KRT27: variants seen among roughly 807,000 people sequenced by gnomAD.
The protein encoded by KRT27 is keratin, type I cytoskeletal 27.
KRT27 carries 30 observed loss-of-function variants against 45.3 expected under a neutral mutation model. That is an observed-to-expected ratio of 0.66 (90% confidence interval 0.50 to 0.90). The LOEUF is 0.90. Among genes scored for constraint, KRT27 ranks in the 40% least tolerant of loss-of-function variants. The pLI is 0.00. For synonymous variants in KRT27, 204 were observed against 223.9 expected, an observed-to-expected ratio of 0.91 and a Z score of 0.79; for missense variants, 610 against 564.3, an observed-to-expected ratio of 1.08 and a Z score of -0.82.
chr17:40,782,403 C>T lies in KRT27; in HGVS notation c.91G>A (p.Gly31Arg). Residue 31 changes from glycine to arginine, a missense_variant, in exon 1 of 8, where the codon GGG becomes AGG. Transcript: ENST00000301656. ...VRLSSGGAGF[G>R]AGNTCGVPGI... The stretch of plus-strand genomic sequence containing the variant: ...GGCACACCGCATGTGTTTCCAGCCC[C>T]AAAGCCTGCTCCCCCACTAGAGAGC... 1 of 1,613,808 alleles carries T rather than the reference C, an allele frequency of 6.2e-7. No individual in the cohort carries two copies. The highest frequency in any genetic ancestry group is 8.5e-7 in the Non-Finnish European group (1 of 1,179,878).
chr17:40,777,772 G>A (rs746495708), intron 5 of KRT27, 40 bp from the exon 6 acceptor site: 16 of 1,595,074 alleles, frequency 1.0e-5, no homozygotes, highest in East Asian at 2.2e-5. Flanking sequence ...AAAAGGTCAC[G>A]GTGTTTTAGA....
intron 3 of KRT27, 66 bp downstream of exon 3, chr17:40,780,234 A>G (rs2038298707): frequency 3.5e-6 from 5 of 1,431,716 alleles, no homozygotes; most frequent in Non-Finnish European, 4.7e-6. Context: ...TATATTTATC[A>G]TCTGAAATTA....
chr17:40,780,407 C>T lies in KRT27; in HGVS notation c.577G>A (p.Gly193Ser), dbSNP rs17558560. ...AGCTCATCCAGGACTCTTCGCAAAC[C>T]ATTGATGTCCGCCTCCACGCTCTGG... is the stretch of plus-strand genomic sequence containing the variant. ...LHQSVEADIN[G>S]LRRVLDELTL... The change falls in exon 3 of 8, where the codon GGT becomes AGT. Residue 193 changes from glycine (G) to serine (S), a missense_variant. Coordinates refer to ENST00000301656, the MANE Select transcript of KRT27 (RefSeq NM_181537.4). 0.41 allele frequency: 664,217 copies of T among 1,612,414 alleles called. 141,511 individuals are homozygous for T. The highest frequency in any genetic ancestry group is 0.64 in the East Asian group (28,464 of 44,818).
Position 40,779,598 on chromosome 17 carries a change from G to A in KRT27, c.876C>T (p.Asp292=), listed in dbSNP as rs116084493. 56 of 1,614,220 alleles carry A rather than the reference G, an allele frequency of 3.5e-5. No homozygotes were observed. The East Asian group carries it at 1.1e-3, about 33-fold the overall frequency. Residue 292 remains aspartate (D), a synonymous_variant, in exon 5 of 8, where the codon GAC becomes GAT. Coordinates refer to ENST00000301656, the MANE Select transcript of KRT27 (RefSeq NM_181537.4). ...KSASLQQQIS[D]DAGATTSARN... ...GGGCTGAGGTGGTGGCGCCAGCGTC[G>A]TCAGAGATCTGCTGCTGCAGCGAGG...
At position 40,779,526 on chromosome 17, in the gene KRT27, A is replaced by C. The variant is rs1280175400; in HGVS notation, c.948T>G (p.Ile316Met). Residue 316 changes from isoleucine (I) to methionine (M), a missense_variant, in exon 5 of 8, where the codon ATT becomes ATG. Physicochemically the swap from Ile to Met is conservative, Grantham distance 10. Transcript: ENST00000301656. ...EMKRTLQTLEIELQSLLATKH... is the reference protein window; with the variant it reads ...EMKRTLQTLEMELQSLLATKH... ...CCGTTGCTAAGAGGGACTGAAGTTCAATCTCAAGGGTTTGAAGAGTGCGTT... is the reference window on the plus strand; with the variant it reads ...CCGTTGCTAAGAGGGACTGAAGTTCCATCTCAAGGGTTTGAAGAGTGCGTT... The C allele has an allele frequency of 2.5e-6, 4 of 1,613,788 alleles. No individual in the cohort carries two copies. The highest frequency in any genetic ancestry group is 1.1e-5 in the South Asian group (1 of 91,074).
At position 40,776,927 on chromosome 17, in the gene KRT27, G is replaced by T; in HGVS notation, c.*72C>A. 23 of 1,346,338 alleles carry T rather than the reference G, an allele frequency of 1.7e-5. No homozygotes were observed. The highest frequency in any genetic ancestry group is 2.4e-5 in the Non-Finnish European group (23 of 973,018). 83.4% of individuals were successfully genotyped at this position (1,346,338 alleles called of 1,614,324 possible). A position where few individuals can be genotyped will look rare whatever the true frequency, so the allele number is the denominator to read the frequency against. Reference sequence around the variant, plus strand: ...TGGAAGAAAAGCAGAAAAATAAGGGGACCCTTATTTAGGAAACTAGCTTCA... The same window carrying T: ...TGGAAGAAAAGCAGAAAAATAAGGGTACCCTTATTTAGGAAACTAGCTTCA... On this transcript the variant is annotated 3_prime_UTR_variant, in exon 8 of 8. Transcript: ENST00000301656.
In KRT27 at chr17:40,781,200, T is replaced by C; in HGVS notation, c.515A>G (p.Asp172Gly). Residue 172 changes from aspartate to glycine, a missense_variant, in exon 2 of 8, where the codon GAC becomes GGC. Coordinates refer to ENST00000301656, the MANE Select transcript of KRT27 (RefSeq NM_181537.4). ...QNDNARLTADDFRLKFENELA... is the reference protein window; with the variant it reads ...QNDNARLTADGFRLKFENELA... ...CAGCTCTACTTACTTTAGTCTGAAG[T>C]CATCAGCTGTTAGTCTTGCATTATC... The C allele has an allele frequency of 6.2e-7, 1 of 1,609,420 alleles. No homozygotes were observed. The highest frequency in any genetic ancestry group is 1.7e-4 in the Middle Eastern group (1 of 5,922).
chr17:40,779,307 T>C (rs944658701), intron 5 of KRT27, among the ~76,000 whole-genome samples, 195 bp downstream of exon 5: 1 of 152,242 alleles, frequency 6.6e-6, no homozygotes, highest in Non-Finnish European at 1.5e-5. Flanking sequence ...ATTTCTAATA[T>C]TTCATAATTA....
Position 40,780,614 on chromosome 17 carries a change from A to C in KRT27, c.528-158T>G, listed in dbSNP as rs142487462. Among the ~76,000 whole-genome samples, 614 of 152,088 alleles carry C rather than the reference A, an allele frequency of 4.0e-3. 5 individuals are homozygous for C. Among genetic ancestry groups the C allele is most frequent in the African/African-American group, 0.014 (575 of 41,486 alleles). On this transcript the variant is annotated intron_variant, in intron 2 of 7. Coordinates refer to ENST00000301656, the MANE Select transcript of KRT27 (RefSeq NM_181537.4). ...GGTGGCTCACGCCTGTAATCCCAGCACTTTGGGAGGCAGAGGCGGGCGGAT... is the reference window on the plus strand; with the variant it reads ...GGTGGCTCACGCCTGTAATCCCAGCCCTTTGGGAGGCAGAGGCGGGCGGAT...
At chr17:40,779,089 A>G (rs1346235209) in intron 5 of KRT27, among the ~76,000 whole-genome samples, 4 of 152,018 alleles carry the variant, frequency 2.6e-5, no homozygotes, top group Admixed American at 2.0e-4. Flanking sequence ...GATTCTCCCT[A>G]TTTCTCTGTA....
At chr17:40,779,472 A>C (rs2038290400) in intron 5 of KRT27, 30 bp downstream of exon 5, 1 of 1,572,792 alleles carries the variant, frequency 6.4e-7, no homozygotes, top group Non-Finnish European at 8.6e-7. Context: ...CAATTTCTAA[A>C]GCAAATCTGT....
chr17:40,777,623 C>T lies in KRT27; in HGVS notation c.1082G>A (p.Arg361Lys). Residue 361 changes from arginine to lysine, a missense_variant, in exon 6 of 8, where the codon AGA becomes AAA. By Grantham distance (26) the Arg-to-Lys change is conservative. Coordinates refer to ENST00000301656, the MANE Select transcript of KRT27 (RefSeq NM_181537.4). ...GAGCTTCTGGCCCTCGGTCTCGGTT[C>T]TGACCTGGTGCAGCTGCTCCTCCAG... ...GALEEQLHQV[R>K]TETEGQKLEY... 6.2e-7 allele frequency: 1 copy of T among 1,614,078 alleles called. No homozygotes were observed. The highest frequency in any genetic ancestry group is 8.5e-7 in the Non-Finnish European group (1 of 1,179,982).
rs141390698 is a variant in KRT27, at chr17:40,778,137, T to C, written c.973-405A>G. The C allele has an allele frequency of 2.1e-3, 372 of 177,290 alleles. 2 individuals are homozygous for C. The highest frequency in any genetic ancestry group is 7.8e-3 in the African/African-American group (329 of 42,266). 11.0% of individuals were successfully genotyped at this position (177,290 alleles called of 1,614,324 possible). On this transcript the variant is annotated intron_variant, in intron 5 of 7. Transcript: ENST00000301656. ...ATGTGACAGTCTTGTCTTATGAGGA[T>C]TGTAGCTCTTCTATTAAAAAGTCAT...
rs189525733 is a variant in KRT27 at position 40,782,437 on chromosome 17, G to A, written c.57C>T (p.Gly19=). Residue 19 remains glycine, a synonymous_variant, in exon 1 of 8, where the codon GGC becomes GGT. Transcript: ENST00000301656. ...CTCCCCCACTAGAGAGCCTCACAGAGCCAGTGCCCCCGCAAGAGCCAAGTC... is the reference window on the plus strand; with the variant it reads ...CTCCCCCACTAGAGAGCCTCACAGAACCAGTGCCCCCGCAAGAGCCAAGTC... The part of the protein sequence containing the change: ...SRRLGSCGGT[G]SVRLSSGGAG... 1.4e-5 allele frequency: 23 copies of A among 1,609,638 alleles called. No homozygotes were observed. In the Admixed American group the frequency reaches 3.7e-4, roughly 26 times the overall value.
chr17:40,777,827 A>G, intron 5 of KRT27, 95 bp from the exon 6 acceptor site: 4 of 1,209,852 alleles, frequency 3.3e-6, no homozygotes, highest in Non-Finnish European at 4.7e-6. Flanking sequence ...TTATCCTTAC[A>G]TCATGCAAAT....
chr17:40,782,109 G>A lies in KRT27; in HGVS notation c.385C>T (p.Arg129Cys), dbSNP rs775693252. ...WYEKFGPGSC[R>C]GLDHDYSRYF... ...CTGCTGTAATCATGATCAAGGCCAC[G>A]GCAAGAACCAGGTCCAAATTTCTCA... Residue 129 changes from arginine to cysteine, a missense_variant, in exon 1 of 8, where the codon CGT becomes TGT. By Grantham distance (180) the Arg-to-Cys change is radical. Transcript: ENST00000301656. The A allele has an allele frequency of 1.3e-5, 21 of 1,613,810 alleles. No individual in the cohort carries two copies. Among genetic ancestry groups the A allele is most frequent in the Non-Finnish European group, 1.8e-5 (21 of 1,180,010 alleles).
rs1331041459 is a variant in KRT27 at position 40,780,822 on chromosome 17, C to G, written c.527+366G>C. 2.0e-5 allele frequency among the ~76,000 whole-genome samples: 3 copies of G among 152,148 alleles called. No individual in the cohort carries two copies. The South Asian group carries it at 6.2e-4, about 32-fold the overall frequency. On this transcript the variant is annotated intron_variant, in intron 2 of 7. Coordinates refer to ENST00000301656, the MANE Select transcript of KRT27 (RefSeq NM_181537.4). ...CGAGATTGCGCCACTGCACTCCAGC[C>G]TGGGCGACAGAGCGAGACTCCGTCT...
chr17:40,781,379 T>C, intron 1 of KRT27, 109 bp from the exon 2 acceptor site: 1 of 656,978 alleles, frequency 1.5e-6, no homozygotes, highest in Non-Finnish European at 2.7e-6. Context: ...GGCATCTGTC[T>C]CTAATAATCA....
chr17:40,780,023 T>C (rs1254618437), intron 3 of KRT27, among the ~76,000 whole-genome samples, 162 bp from the exon 4 acceptor site: 2 of 152,212 alleles, frequency 1.3e-5, no homozygotes, highest in Admixed American at 1.3e-4. Context: ...ATTCTGGGTC[T>C]CCTACAGTGT....
Sources: allele counts gnomAD v4.1 joint callset (sites outside exome capture counted in the v4.1 genomes callset), GRCh38; gene constraint gnomAD v4.1.1; transcripts MANE v1.5; gene names NCBI Gene and HGNC (gene_info 2026-07-23, HGNC 2026-07-21).